The following UBE2D3 variants were observed in gnomAD, a reference collection of about 807,000 sequenced individuals.
The protein encoded by UBE2D3 is ubiquitin conjugating enzyme E2 D3, also known as ubiquitin-conjugating enzyme E2 D3.
In UBE2D3, 2 loss-of-function variants were observed where a neutral mutation model predicts 22.8. That is an observed-to-expected ratio of 0.09 (90% CI 0.04 to 0.28). UBE2D3 has a LOEUF of 0.28. Ranked by LOEUF, UBE2D3 falls within the 10% of genes least tolerant of loss-of-function variation. The pLI, the probability that UBE2D3 is intolerant of heterozygous loss-of-function variation, is 1.00. For synonymous variants in UBE2D3, 56 were observed against 60.4 expected, an observed-to-expected ratio of 0.93 and a Z score of 0.34; for missense variants, 27 against 182.5, an observed-to-expected ratio of 0.15 and a Z score of 4.91.
At chr4:102,823,897 T>C (rs1209941223) in intron 2 of UBE2D3, among the ~76,000 whole-genome samples, 2 of 152,216 alleles carry the variant, frequency 1.3e-5, no homozygotes, top group East Asian at 3.8e-4. Flanking sequence ...TCATAATACT[T>C]GAAATGTGGG....
At chr4:102,821,523 G>C (rs998817080) in intron 2 of UBE2D3, among the ~76,000 whole-genome samples, 1 of 152,098 alleles carries the variant, frequency 6.6e-6, no homozygotes. Flanking sequence ...TCAGAGAGGA[G>C]CTTCAGAATC....
At chr4:102,856,235 G>A (rs223351) in intron 1 of UBE2D3, among the ~76,000 whole-genome samples, 82,829 of 151,940 alleles carry the variant, frequency 0.55, 23,145 homozygotes, top group African/African-American at 0.68. Context: ...GCATGGTGGC[G>A]CAAGCCTGTG....
intron 1 of UBE2D3, among the ~76,000 whole-genome samples, chr4:102,865,049 T>C (rs1456897408): frequency 6.6e-6 from 1 of 152,212 alleles, no homozygotes; most frequent in South Asian, 2.1e-4. Flanking sequence ...ATATGAAGAA[T>C]ATAAGTTTAA....
chr4:102,826,472 C>G lies in UBE2D3; in HGVS notation c.24+13G>C. 6.2e-7 allele frequency: 1 copy of G among 1,613,892 alleles called. No homozygotes were observed. The highest frequency in any genetic ancestry group is 2.2e-5 in the East Asian group (1 of 44,862). On this transcript the variant is annotated intron_variant, in intron 2 of 7. Transcript: ENST00000453744. ...TTCTCCTACCACCCCATGCCCTTGTCCCCGCGGGTTACCTTATTAATCCGT... is the reference window on the plus strand; with the variant it reads ...TTCTCCTACCACCCCATGCCCTTGTGCCCGCGGGTTACCTTATTAATCCGT...
At chr4:102,852,036 A>C (rs951661117) in intron 1 of UBE2D3, among the ~76,000 whole-genome samples, 2 of 112,968 alleles carry the variant, frequency 1.8e-5, no homozygotes, top group Non-Finnish European at 3.5e-5. Flanking sequence ...AACTCTCTTG[A>C]AAGTTTGGCC....
chr4:102,813,631 AATG>A (rs1728378146), intron 2 of UBE2D3, among the ~76,000 whole-genome samples: 1 of 152,242 alleles, frequency 6.6e-6, no homozygotes, highest in Non-Finnish European at 1.5e-5. Flanking sequence ...TTAATAAACA[AATG>A]ATGTTTATAG....
chr4:102,816,159 C>T (rs1157724398), intron 2 of UBE2D3, among the ~76,000 whole-genome samples: 1 of 152,168 alleles, frequency 6.6e-6, no homozygotes, highest in Non-Finnish European at 1.5e-5. Flanking sequence ...TCCCTTACTC[C>T]AAATCATGTG....
rs541649789 is a variant in UBE2D3 at position 102,818,987 on chromosome 4, G to A, written c.24+7498C>T. ...CAGGCTACAAAGAACAGTAGGCCAA[G>A]GTATTGAAAACATTAAAGACCTGAA... is the stretch of plus-strand genomic sequence containing the variant. On this transcript the variant is annotated intron_variant, in intron 2 of 7. Transcript: ENST00000453744. 7.2e-5 allele frequency among the ~76,000 whole-genome samples: 11 copies of A among 152,266 alleles called. 1 individual carries two copies. The South Asian group carries it at 2.3e-3, about 32-fold the overall frequency.
At chr4:102,827,747 C>G (rs140044766), upstream of UBE2D3, 1 of 985,768 alleles carries the variant, frequency 1.0e-6, no homozygotes, top group East Asian at 1.1e-4. Flanking sequence ...TCTTACTAAA[C>G]AGATCGGAGA....
At chr4:102,846,759 CCTT>C (rs1159698378) in intron 1 of UBE2D3, among the ~76,000 whole-genome samples, 1 of 152,092 alleles carries the variant, frequency 6.6e-6, no homozygotes. Flanking sequence ...CCCACCTCAA[CCTT>C]CTGAGTAGCT....
rs546235439 is a variant in UBE2D3 at position 102,856,737 on chromosome 4, A to T, written c.-129+11978T>A. Reference sequence around the variant, plus strand: ...GTATAATCAAATACATGTAATTTTTAAAATTTATAAATAGGATACTATACA... The same window carrying T: ...GTATAATCAAATACATGTAATTTTTTAAATTTATAAATAGGATACTATACA... On this transcript the variant is annotated intron_variant, in intron 1 of 7. Coordinates refer to the UBE2D3 transcript ENST00000338145. Among the ~76,000 whole-genome samples, 48 of 152,290 alleles carry T rather than the reference A, an allele frequency of 3.2e-4. No individual in the cohort carries two copies. In the Middle Eastern group the frequency reaches 0.01, roughly 32 times the overall value.
chr4:102,851,371 C>A (rs988499311), intron 1 of UBE2D3, among the ~76,000 whole-genome samples: 7 of 152,196 alleles, frequency 4.6e-5, no homozygotes, highest in African/African-American at 1.7e-4. Flanking sequence ...TGTTATAAAT[C>A]TGGGAGTGAA....
intron 1 of UBE2D3, chr4:102,826,932 G>C (rs978795776): frequency 3.0e-6 from 3 of 1,010,378 alleles, no homozygotes; most frequent in South Asian, 4.2e-5. Flanking sequence ...AGCAGAGGAG[G>C]AGCCGGGGCC....
chr4:102,816,478 G>A (rs764145045), intron 2 of UBE2D3, among the ~76,000 whole-genome samples: 7 of 152,180 alleles, frequency 4.6e-5, no homozygotes, highest in Non-Finnish European at 7.4e-5. Flanking sequence ...GTTGTAGCTT[G>A]CTCTGGTTCC....
intron 7 of UBE2D3, 128 bp downstream of exon 7, chr4:102,799,277 TCA>T (rs1167838789): frequency 1.6e-5 from 12 of 756,148 alleles, no homozygotes; most frequent in Non-Finnish European, 2.6e-5. Context: ...TAACCACATT[TCA>T]ATAGCTTTCT....
At chr4:102,857,904 G>T (rs1377691885) in intron 1 of UBE2D3, among the ~76,000 whole-genome samples, 1 of 151,868 alleles carries the variant, frequency 6.6e-6, no homozygotes, top group East Asian at 1.9e-4. Context: ...ATGTTGGCCA[G>T]GCTGATCTCG....
At chr4:102,801,154 T>A (rs1726096172) in intron 6 of UBE2D3, among the ~76,000 whole-genome samples, 1 of 151,986 alleles carries the variant, frequency 6.6e-6, no homozygotes, top group South Asian at 2.1e-4. Context: ...GTGTGAGATG[T>A]CCAAGTGGTT....
upstream of UBE2D3, among the ~76,000 whole-genome samples, chr4:102,829,956 A>G (rs1405097077): frequency 2.0e-5 from 3 of 152,314 alleles, no homozygotes; most frequent in East Asian, 5.8e-4. Context: ...ACTAATATAT[A>G]TGGAGTTCTA....
chr4:102,809,559 C>A, intron 4 of UBE2D3, 113 bp downstream of exon 4: 1 of 1,145,468 alleles, frequency 8.7e-7, no homozygotes. Context: ...ATGGAATATC[C>A]AAAATAGAAT....
Sources: gnomAD v4.1 joint callset for allele counts (sites outside exome capture counted in the v4.1 genomes callset) on GRCh38, gnomAD v4.1.1 for gene constraint, MANE v1.5 for transcripts, NCBI Gene and HGNC (gene_info 2026-07-23, HGNC 2026-07-21) for gene names.